DAB2IP: variants seen among roughly 807,000 people sequenced by gnomAD.
DAB2IP encodes DAB2 interacting protein, also known as disabled homolog 2-interacting protein.
DAB2IP carries 28 observed loss-of-function variants against 107.2 expected under a neutral mutation model. The observed-to-expected ratio is 0.26, with a 90% confidence interval of 0.19 to 0.36. DAB2IP has a LOEUF of 0.36. Among genes scored for constraint, DAB2IP ranks in the 10% least tolerant of loss-of-function variants. The probability of loss-of-function intolerance (pLI) is 1.00; values close to 1 mark genes in which losing one functional copy is unlikely to be tolerated. For synonymous variants in DAB2IP, 755 were observed against 706.4 expected (o/e 1.07, Z -1.09); for missense variants, 1,400 against 1,644.7 (o/e 0.85, Z 2.57).
upstream of DAB2IP, among the ~76,000 whole-genome samples, chr9:121,648,934 C>T (rs190944497): frequency 1.3e-3 from 204 of 152,038 alleles, 1 homozygote; most frequent in African/African-American, 4.7e-3. Flanking sequence ...GCCACAGGGG[C>T]GCCGGCGGGA....
At chr9:121,697,187 G>C (rs1033464555) in intron 2 of DAB2IP, among the ~76,000 whole-genome samples, 2 of 152,156 alleles carry the variant, frequency 1.3e-5, no homozygotes, top group African/African-American at 4.8e-5. Flanking sequence ...TCCTAGACGG[G>C]AGAAAACTTT....
chr9:121,697,597 G>A (rs761397427), intron 2 of DAB2IP, among the ~76,000 whole-genome samples: 8 of 152,222 alleles, frequency 5.3e-5, no homozygotes, highest in Non-Finnish European at 1.2e-4. Flanking sequence ...TCATGCCTCT[G>A]GAGAAGGGTC....
intron 3 of DAB2IP, among the ~76,000 whole-genome samples, chr9:121,707,554 G>C (rs886886783): frequency 2.0e-5 from 3 of 152,194 alleles, no homozygotes; most frequent in African/African-American, 4.8e-5. Context: ...CAGGGCCCTT[G>C]TTTTCAGGCT....
intron 1 of DAB2IP, among the ~76,000 whole-genome samples, chr9:121,627,187 A>C (rs1426956856): frequency 6.6e-6 from 1 of 151,758 alleles, no homozygotes. Flanking sequence ...GTAAGAATCT[A>C]TCCACCCAGG....
Position 121,782,932 on chromosome 9 carries a change from T to TG in DAB2IP, c.*440dup, listed in dbSNP as rs1835768201. The TG allele has an allele frequency of 2.2e-5, 22 of 1,018,828 alleles. No individual in the cohort carries two copies. Among genetic ancestry groups the TG allele is most frequent in the Non-Finnish European group, 2.5e-5 (21 of 850,368 alleles). The allele number at this position is 1,018,828 out of a possible 1,614,324, so 63.1% of individuals were successfully genotyped here. A position where few individuals can be genotyped will look rare whatever the true frequency, so the allele number is the denominator to read the frequency against. On this transcript the variant is annotated 3_prime_UTR_variant, in exon 16 of 16. Coordinates refer to ENST00000408936, the Ensembl canonical transcript of DAB2IP. This position sits in a 1 kb window ranked among gnomAD's most constrained non-coding sequence, Gnocchi z 6.1. ...CACCTGTGGCTTCCCCTCGCCTCCT[T>TG]GGGGGGCCCGGGACTCCCTGGCAGC...
At chr9:121,589,438 T>C (rs970890369) in intron 1 of DAB2IP, among the ~76,000 whole-genome samples, 1 of 152,152 alleles carries the variant, frequency 6.6e-6, no homozygotes, top group African/African-American at 2.4e-5. Context: ...AACTTTTCTG[T>C]CTCGCTTCCT....
chr9:121,754,883 TC>T (rs928305013), intron 3 of DAB2IP, among the ~76,000 whole-genome samples: 1 of 152,052 alleles, frequency 6.6e-6, no homozygotes, highest in Non-Finnish European at 1.5e-5. Context: ...GCTCACCAGC[TC>T]CCCGCTCTGT....
At chr9:121,638,637 G>A (rs1045458954) in intron 1 of DAB2IP, among the ~76,000 whole-genome samples, 1 of 152,230 alleles carries the variant, frequency 6.6e-6, no homozygotes, top group African/African-American at 2.4e-5. Context: ...CCAAAGGCCA[G>A]CAGGGCCAGG....
At chr9:121,744,288 T>C (rs919846815) in intron 3 of DAB2IP, among the ~76,000 whole-genome samples, 2 of 152,190 alleles carry the variant, frequency 1.3e-5, no homozygotes, top group African/African-American at 4.8e-5. Flanking sequence ...GGTGGGAGAC[T>C]GGGAAGACTG....
At chr9:121,710,383 G>A (rs958720631) in intron 3 of DAB2IP, among the ~76,000 whole-genome samples, 3 of 152,190 alleles carry the variant, frequency 2.0e-5, no homozygotes, top group Non-Finnish European at 2.9e-5. Flanking sequence ...AGGGGTGGCA[G>A]TGGAGGCAGG....
At chr9:121,692,111 T>A (rs1201897258) in intron 2 of DAB2IP, among the ~76,000 whole-genome samples, 1 of 152,234 alleles carries the variant, frequency 6.6e-6, no homozygotes, top group Non-Finnish European at 1.5e-5. Flanking sequence ...CCACTTGCCC[T>A]TCCTGTCCTG....
At chr9:121,613,701 C>T (rs951712293) in intron 1 of DAB2IP, among the ~76,000 whole-genome samples, 1 of 152,078 alleles carries the variant, frequency 6.6e-6, no homozygotes, top group African/African-American at 2.4e-5. Context: ...CGCAAACTCG[C>T]GGAGGGATAG....
intron 2 of DAB2IP, among the ~76,000 whole-genome samples, chr9:121,682,088 T>G (rs1828629946): frequency 6.6e-6 from 1 of 152,240 alleles, no homozygotes. Context: ...GAGCCTGGCC[T>G]GGGCCTTGGG....
rs1255273699 is a variant in DAB2IP, at chr9:121,782,471, C to G, written c.3543C>G (p.Gly1181=). ...CCAAATTGCAGATTACTGAGAACGG[C>G]GAGTTCAGAAACAGCAGCAATTGTT... The change falls in exon 16 of 16, where the codon GGC becomes GGG. Residue 1181 remains glycine (G), a synonymous_variant. Transcript: ENST00000408936. This position sits in a 1 kb window ranked among gnomAD's most constrained non-coding sequence, Gnocchi z 6.1. 6.2e-7 allele frequency: 1 copy of G among 1,613,858 alleles called. No homozygotes were observed. Among genetic ancestry groups the G allele is most frequent in the African/African-American group, 1.3e-5 (1 of 74,910 alleles).
chr9:121,731,265 C>G (rs1172189266), intron 3 of DAB2IP, among the ~76,000 whole-genome samples: 5 of 152,198 alleles, frequency 3.3e-5, no homozygotes, highest in African/African-American at 1.2e-4. Flanking sequence ...GCTGGGTGGC[C>G]TTGGACTGGT....
intron 4 of DAB2IP, among the ~76,000 whole-genome samples, chr9:121,758,589 G>A (rs1375520239): frequency 6.6e-5 from 10 of 152,176 alleles, no homozygotes; most frequent in African/African-American, 2.4e-4. Flanking sequence ...ATCTCAGGGA[G>A]AGGGAGGTTA....
At chr9:121,756,548 G>T (rs1314387749) in intron 3 of DAB2IP, among the ~76,000 whole-genome samples, 2 of 152,246 alleles carry the variant, frequency 1.3e-5, no homozygotes, top group African/African-American at 4.8e-5. Flanking sequence ...GTATGAGGAA[G>T]GGCTGTTGGC....
chr9:121,676,376 C>T (rs1833904349), intron 1 of DAB2IP, among the ~76,000 whole-genome samples: 1 of 152,180 alleles, frequency 6.6e-6, no homozygotes, highest in Admixed American at 6.5e-5. Context: ...TCAGTAGGTA[C>T]CTGGGGTGGG....
chr9:121,684,912 T>C lies in DAB2IP; in HGVS notation c.228+6131T>C, dbSNP rs958162063. Among the ~76,000 whole-genome samples the C allele has an allele frequency of 1.3e-5, 2 of 152,210 alleles. No individual in the cohort carries two copies. Among genetic ancestry groups the C allele is most frequent in the Non-Finnish European group, 2.9e-5 (2 of 68,028 alleles). ...TGGTCGTTCACTTGGGACATATTTA[T>C]GTTTGTGGCCCATCAACCAGTGGAG... On this transcript the variant is annotated intron_variant, in intron 2 of 15. Coordinates refer to ENST00000408936, the Ensembl canonical transcript of DAB2IP. The surrounding 1 kb of genome is among the most constrained non-coding windows in gnomAD (Gnocchi z 4.0).
Sources: gnomAD v4.1 joint callset for allele counts (sites outside exome capture counted in the v4.1 genomes callset) on GRCh38, gnomAD v4.1.1 for gene constraint, Gnocchi (gnomAD v3.1) non-coding constraint, MANE v1.5 for transcripts, NCBI Gene and HGNC (gene_info 2026-07-23, HGNC 2026-07-21) for gene names.